Variants in PODNL1 observed in about 807,000 individuals in gnomAD.
The protein encoded by PODNL1 is podocan like 1, also known as podocan-like protein 1.
A neutral mutation model predicts 45.1 loss-of-function variants in PODNL1; 50 were observed. The observed-to-expected ratio is 1.11, with a 90% CI of 0.88 to 1.40. The LOEUF (loss-of-function observed/expected upper bound fraction) is 1.40, where lower values mean the gene tolerates loss of function less well. Among genes scored for constraint, PODNL1 ranks in the 40% most tolerant of loss-of-function variants. The pLI is 0.00. For missense variants in PODNL1, 788 were observed against 793.3 expected (o/e 0.99, Z 0.08); for synonymous variants, 406 against 372.5 (o/e 1.09, Z -1.04).
At chr19:13,939,868 C>CAATAATAATAATAATAAT (rs59993623), upstream of PODNL1, 129 of 150,650 alleles carry the variant, frequency 8.6e-4, no homozygotes, top group African/African-American at 3.0e-3. Flanking sequence ...AACTCTGTTT[C>CAATAATAATAATAATAAT]AATAATAATA....
Position 13,931,648 on chromosome 19 carries a change from A to C in PODNL1, c.*89T>G. The C allele has an allele frequency of 4.1e-6, 5 of 1,213,650 alleles. No homozygotes were observed. The highest frequency in any genetic ancestry group is 4.1e-6 in the Non-Finnish European group (4 of 972,276). The allele number at this position is 1,213,650 out of a possible 1,614,324, so 75.2% of individuals were successfully genotyped here. On this transcript the variant is annotated 3_prime_UTR_variant, in exon 10 of 10. Coordinates refer to ENST00000588872, the MANE Select transcript of PODNL1 (RefSeq NM_001370095.3). ...AGCCCTGGAGGCCCAGGAGAGCCAG[A>C]CCAAGGGCCCCTGGTGGGCGTTGTC... is the stretch of plus-strand genomic sequence containing the variant.
In PODNL1 at chr19:13,938,230, C is replaced by T; in HGVS notation, c.-49G>A. 6.2e-7 allele frequency: 1 copy of T among 1,600,626 alleles called. No individual in the cohort carries two copies. Among genetic ancestry groups the T allele is most frequent in the Non-Finnish European group, 8.5e-7 (1 of 1,174,354 alleles). On this transcript the variant is annotated 5_prime_UTR_variant, in exon 1 of 10. Transcript: ENST00000588872. ...CGCCCAAGCTGCTGACCAGGACTTC[C>T]TAATGGAAACCAGGCGGTCACCTCC...
rs1971944882 is a variant in PODNL1 at position 13,931,633 on chromosome 19, G to T, written c.*104C>A. 1.7e-6 allele frequency: 2 copies of T among 1,149,822 alleles called. No individual in the cohort carries two copies. Among genetic ancestry groups the T allele is most frequent in the Non-Finnish European group, 2.2e-6 (2 of 913,926 alleles). The allele number at this position is 1,149,822 out of a possible 1,614,324, so 71.2% of individuals were successfully genotyped here. The stretch of plus-strand genomic sequence containing the variant: ...AGGCAGAGCAGGCCCAGCCCTGGAG[G>T]CCCAGGAGAGCCAGACCAAGGGCCC... On this transcript the variant is annotated 3_prime_UTR_variant, in exon 10 of 10. Coordinates refer to ENST00000588872, the MANE Select transcript of PODNL1 (RefSeq NM_001370095.3).
chr19:13,933,171 C>A lies in PODNL1; in HGVS notation c.1052G>T (p.Arg351Leu). 1.3e-6 allele frequency: 2 copies of A among 1,532,118 alleles called. No individual in the cohort carries two copies. Among genetic ancestry groups the A allele is most frequent in the South Asian group, 1.2e-5 (1 of 83,658 alleles). The allele number at this position is 1,532,118 out of a possible 1,614,324, so 94.9% of individuals were successfully genotyped here. A position where few individuals can be genotyped will look rare whatever the true frequency, so the allele number is the denominator to read the frequency against. The stretch of plus-strand genomic sequence containing the variant: ...GGGCAGCACCAGGGCACGCAGGCGG[C>A]GGGGCAGGGCTGGAGGCACGCGGTC... ...GLDRVPPALP[R>L]RLRALVLPHN... The change falls in exon 8 of 10, where the codon CGC becomes CTC. Residue 351 changes from arginine to leucine, a missense_variant. This residue lies in a region of PODNL1 where 762 missense variants were observed against 750.9 expected (regional missense o/e 1.01). Coordinates refer to ENST00000588872, the MANE Select transcript of PODNL1 (RefSeq NM_001370095.3). The surrounding 1 kb of genome is among the most constrained non-coding windows in gnomAD (Gnocchi z 5.2).
rs778495488 is a variant in PODNL1, at chr19:13,934,283, G to T, written c.622C>A (p.Pro208Thr). 6.5e-7 allele frequency: 1 copy of T among 1,531,662 alleles called. No homozygotes were observed. The highest frequency in any genetic ancestry group is 8.8e-7 in the Non-Finnish European group (1 of 1,141,100). The allele number at this position is 1,531,662 out of a possible 1,614,324, so 94.9% of individuals were successfully genotyped here. Residue 208 changes from proline (P) to threonine (T), a missense_variant, in exon 6 of 10, where the codon CCG (proline) becomes ACG (threonine). Transcript: ENST00000588872. ...NQLSYLPPSL[P>T]PSLERLHLQN... is the part of the protein sequence containing the mutation. ...AGGTGGAGCCGCTCGAGTGAGGGCG[G>T]CAGGCTGGGCGGCAGGTAGCTGAGC...
chr19:13,943,349 G>A (rs1972716321), upstream of PODNL1, among the ~76,000 whole-genome samples: 1 of 152,098 alleles, frequency 6.6e-6, no homozygotes, highest in South Asian at 2.1e-4. Flanking sequence ...AGTTCTGGAG[G>A]CTGGAAGTGG....
upstream of PODNL1, among the ~76,000 whole-genome samples, chr19:13,940,570 C>CA (rs759568554): frequency 0.9 from 75,271 of 83,180 alleles, 34,481 homozygotes; most frequent in Non-Finnish European, 0.97. Context: ...GACTCCGTCT[C>CA]AAAAAAAAAA....
Position 13,938,351 on chromosome 19 carries a change from C to G in PODNL1, c.-170G>C, listed in dbSNP as rs1972522398. ...TCCCGGGGCTTTGGGGGAGCTGGCC[C>G]ACCCCCTTCCCCGCCCTGGGGAGGA... On this transcript the variant is annotated 5_prime_UTR_variant, in exon 1 of 10. Transcript: ENST00000588872. 1 of 1,414,638 alleles carries G rather than the reference C, an allele frequency of 7.1e-7. No individual in the cohort carries two copies. The highest frequency in any genetic ancestry group is 9.2e-7 in the Non-Finnish European group (1 of 1,082,826). The allele number at this position is 1,414,638 out of a possible 1,614,324, so 87.6% of individuals were successfully genotyped here. A position where few individuals can be genotyped will look rare whatever the true frequency, so the allele number is the denominator to read the frequency against.
chr19:13,943,889 C>T (rs1197651714), intron 1 of PODNL1, among the ~76,000 whole-genome samples: 4 of 152,098 alleles, frequency 2.6e-5, no homozygotes, highest in African/African-American at 9.7e-5. Context: ...CAAATCAGGT[C>T]ACATTCACGG....
At chr19:13,950,878 C>T (rs1568445850) in intron 1 of PODNL1, among the ~76,000 whole-genome samples, 1 of 151,764 alleles carries the variant, frequency 6.6e-6, no homozygotes, top group Non-Finnish European at 1.5e-5. Context: ...AACCCTGTCT[C>T]TACTAAAAAT....
Position 13,932,856 on chromosome 19 carries a change from T to C in PODNL1, c.1367A>G (p.Asn456Ser), listed in dbSNP as rs1972046250. ...DQLRELSLAH[N>S]RLRVGDIGPG... ...CCCGATGTCGCCGACCCGGAGCCGG[T>C]TGTGCGCCAGGCTGAGCTCCCGCAG... The change falls in exon 8 of 10, where the codon AAC becomes AGC. Residue 456 changes from asparagine (N) to serine (S), a missense_variant. By Grantham distance (46) the Asn-to-Ser change is conservative. Coordinates refer to ENST00000588872, the MANE Select transcript of PODNL1 (RefSeq NM_001370095.3). 3.1e-6 allele frequency: 5 copies of C among 1,611,678 alleles called. No homozygotes were observed. Among genetic ancestry groups the C allele is most frequent in the Non-Finnish European group, 3.4e-6 (4 of 1,179,516 alleles).
At chr19:13,935,870 G>A (rs557005438) in intron 4 of PODNL1, 40 bp from the exon 5 acceptor site, 42 of 1,565,546 alleles carry the variant, frequency 2.7e-5, no homozygotes, top group East Asian at 1.2e-4. Context: ...GTCCTGGTGC[G>A]CCTTGGCCCC....
rs1411456487 is a variant in PODNL1, at chr19:13,931,215, G to C, written c.*522C>G. The C allele has an allele frequency of 6.5e-6, 1 of 152,984 alleles. No homozygotes were observed. Among genetic ancestry groups the C allele is most frequent in the African/African-American group, 2.4e-5 (1 of 41,398 alleles). 9.5% of individuals were successfully genotyped at this position (152,984 alleles called of 1,614,324 possible). On this transcript the variant is annotated 3_prime_UTR_variant, in exon 10 of 10. Coordinates refer to ENST00000588872, the MANE Select transcript of PODNL1 (RefSeq NM_001370095.3). The stretch of plus-strand genomic sequence containing the variant: ...AAGGATGCATTTCATTCCCATGCTT[G>C]CTGTGGGGGGGGATACATGTGAGGG...
chr19:13,938,297 C>T lies in PODNL1; in HGVS notation c.-116G>A, dbSNP rs1972518651. On this transcript the variant is annotated 5_prime_UTR_variant, in exon 1 of 10. Coordinates refer to ENST00000588872, the MANE Select transcript of PODNL1 (RefSeq NM_001370095.3). ...GCCACCACCGCCCCCCATCTCCAGA[C>T]CCATGCCACCCCCCACAACAGCCTG... The T allele has an allele frequency of 1.4e-6, 2 of 1,470,072 alleles. No individual in the cohort carries two copies. The highest frequency in any genetic ancestry group is 2.8e-5 in the South Asian group (2 of 71,880). The allele number at this position is 1,470,072 out of a possible 1,614,324, so 91.1% of individuals were successfully genotyped here.
At position 13,933,576 on chromosome 19, in the gene PODNL1, G is replaced by T; in HGVS notation, c.768-121C>A. 1 of 1,132,044 alleles carries T rather than the reference G, an allele frequency of 8.8e-7. No homozygotes were observed. The highest frequency in any genetic ancestry group is 1.2e-6 in the Non-Finnish European group (1 of 817,740). The allele number at this position is 1,132,044 out of a possible 1,614,324, so 70.1% of individuals were successfully genotyped here. A position where few individuals can be genotyped will look rare whatever the true frequency, so the allele number is the denominator to read the frequency against. On this transcript the variant is annotated intron_variant, in intron 7 of 9. Transcript: ENST00000588872. The surrounding 1 kb of genome is among the most constrained non-coding windows in gnomAD (Gnocchi z 5.2). ...TTAAGCTGGAGATTTTGACTTGGGA[G>T]TGATGCGTGGAGAGAGCTGGGTGGG...
At chr19:13,935,054 GTGTGTGTGCT>G (rs1972249366) in intron 5 of PODNL1, among the ~76,000 whole-genome samples, 1 of 151,820 alleles carries the variant, frequency 6.6e-6, no homozygotes, top group Non-Finnish European at 1.5e-5. Flanking sequence ...ATGTGAGTCT[GTGTGTGTGCT>G]TGTGTGTGCA....
chr19:13,952,715 A>G (rs2145479156), intron 1 of PODNL1: 2 of 210,682 alleles, frequency 9.5e-6, no homozygotes, highest in South Asian at 1.1e-4. Flanking sequence ...CGGAGGGAGG[A>G]GGGCGTTCGC....
intron 1 of PODNL1, among the ~76,000 whole-genome samples, chr19:13,950,213 GC>G (rs1481855402): frequency 1.3e-5 from 2 of 152,090 alleles, no homozygotes; most frequent in African/African-American, 4.8e-5. Flanking sequence ...TGTCTCCCAG[GC>G]TGGAGTGCAG....
intron 1 of PODNL1, 38 bp downstream of exon 1, chr19:13,938,141 C>T: frequency 6.4e-7 from 1 of 1,567,324 alleles, no homozygotes; most frequent in Non-Finnish European, 8.6e-7. Flanking sequence ...GGGGGGCAGG[C>T]AGGCCCCACC....
Sources: allele counts gnomAD v4.1 joint callset (sites outside exome capture counted in the v4.1 genomes callset), GRCh38; gene constraint gnomAD v4.1.1; regional missense constraint gnomAD v4.1.1; non-coding constraint Gnocchi (gnomAD v3.1); transcripts MANE v1.5; gene names NCBI Gene and HGNC (gene_info 2026-07-23, HGNC 2026-07-21).